Variants in ZNRF3 observed in about 807,000 individuals in gnomAD.
ZNRF3 encodes E3 ubiquitin-protein ligase ZNRF3.
ZNRF3 carries 23 observed loss-of-function variants against 72.5 expected under a neutral mutation model. The observed-to-expected ratio is 0.32, with a 90% CI of 0.23 to 0.45. The LOEUF is 0.45. ZNRF3 is among the 20% of genes least tolerant of loss of function. The pLI is 1.00. For missense variants in ZNRF3, 1,169 were observed against 1,272.1 expected, an observed-to-expected ratio of 0.92 and a Z score of 1.23; for synonymous variants, 610 against 545.3, an observed-to-expected ratio of 1.12 and a Z score of -1.65.
intron 4 of ZNRF3, 72 bp from the exon 5 acceptor site, chr22:29,044,708 C>A: frequency 9.4e-7 from 1 of 1,061,692 alleles, no homozygotes; most frequent in Non-Finnish European, 1.5e-6. Context: ...CCTGACAAAG[C>A]CAAGATAGCC....
chr22:28,944,575 C>T lies in ZNRF3; in HGVS notation c.301-42501C>T, dbSNP rs565452543. On this transcript the variant is annotated intron_variant, in intron 1 of 8. Transcript: ENST00000544604. ...TTCGAGACCAGCCTGGCCAACATGG[C>T]GAAACCCTGTCTCTACTAAAAATAT... is the stretch of plus-strand genomic sequence containing the variant. Among the ~76,000 whole-genome samples the T allele has an allele frequency of 5.3e-4, 80 of 151,862 alleles. 1 individual carries two copies. The highest frequency in any genetic ancestry group is 2.3e-3 in the South Asian group (11 of 4,820).
intron 1 of ZNRF3, among the ~76,000 whole-genome samples, chr22:28,924,678 A>G (rs1036354956): frequency 6.6e-6 from 1 of 152,294 alleles, no homozygotes; most frequent in South Asian, 2.1e-4. Flanking sequence ...TCGAGACTAC[A>G]GTGAACTATG....
At chr22:29,021,144 GA>G (rs2036531379) in intron 2 of ZNRF3, among the ~76,000 whole-genome samples, 1 of 151,986 alleles carries the variant, frequency 6.6e-6, no homozygotes, top group South Asian at 2.1e-4. Context: ...TGAGGGAGGA[GA>G]ATCACTTGAA....
rs748120359 is a variant in ZNRF3, at chr22:29,050,040, C to G, written c.1859C>G (p.Pro620Arg). The G allele has an allele frequency of 6.2e-7, 1 of 1,608,954 alleles. No homozygotes were observed. The highest frequency in any genetic ancestry group is 8.5e-7 in the Non-Finnish European group (1 of 1,178,020). The change falls in exon 8 of 9, where the codon CCT becomes CGT. Residue 620 changes from proline (P) to arginine (R), a missense_variant. By Grantham distance (103) the Pro-to-Arg change is moderately radical. Transcript: ENST00000544604. ...GGCTCGGGCAGCTCGGGCCGGGGAC[C>G]TGCCCTGTGCTTCGAGGGCTCCCCG... is the stretch of plus-strand genomic sequence containing the variant. ...AGGSGSSGRG[P>R]ALCFEGSPPP...
chr22:28,907,134 C>T (rs1210331433), intron 1 of ZNRF3, among the ~76,000 whole-genome samples: 3 of 151,338 alleles, frequency 2.0e-5, no homozygotes, highest in South Asian at 2.1e-4. Flanking sequence ...AGGCACACGC[C>T]GCCACGCCCG....
At chr22:28,986,046 C>T (rs995746534) in intron 1 of ZNRF3, among the ~76,000 whole-genome samples, 2 of 152,236 alleles carry the variant, frequency 1.3e-5, no homozygotes, top group African/African-American at 4.8e-5. Flanking sequence ...TGCTTCCCTG[C>T]TTCCCTTATA....
In ZNRF3 at chr22:29,046,895, A is replaced by C; in HGVS notation, c.912+12A>C. The stretch of plus-strand genomic sequence containing the variant: ...ACATTGATGGAGAGGTAATGGCAGA[A>C]GCAGGCCCGTCCTGGGTGGGGAAAA... On this transcript the variant is annotated intron_variant, in intron 6 of 8. Coordinates refer to ENST00000544604, the MANE Select transcript of ZNRF3 (RefSeq NM_001206998.2). 1.0e-5 allele frequency: 16 copies of C among 1,537,700 alleles called. No homozygotes were observed. Among genetic ancestry groups the C allele is most frequent in the Non-Finnish European group, 1.4e-5 (16 of 1,136,090 alleles).
At chr22:28,890,155 A>AGC (rs1463080426) in intron 1 of ZNRF3, among the ~76,000 whole-genome samples, 1 of 152,228 alleles carries the variant, frequency 6.6e-6, no homozygotes, top group African/African-American at 2.4e-5. Context: ...TGGAAAGGAT[A>AGC]GCTCTCTCTC....
Position 28,883,946 on chromosome 22 carries a change from C to A in ZNRF3, c.180C>A (p.Phe60Leu). 7.9e-7 allele frequency: 1 copy of A among 1,267,452 alleles called. No individual in the cohort carries two copies. The highest frequency in any genetic ancestry group is 1.0e-6 in the Non-Finnish European group (1 of 986,246). 78.5% of individuals were successfully genotyped at this position (1,267,452 alleles called of 1,614,324 possible). A position where few individuals can be genotyped will look rare whatever the true frequency, so the allele number is the denominator to read the frequency against. The change falls in exon 1 of 9, where the codon TTC becomes TTA. Residue 60 changes from phenylalanine to leucine, a missense_variant. Phe to Leu is a conservative substitution (Grantham distance 22, BLOSUM62 0). Coordinates refer to ENST00000544604, the MANE Select transcript of ZNRF3 (RefSeq NM_001206998.2). This position sits in a 1 kb window ranked among gnomAD's most constrained non-coding sequence, Gnocchi z 5.5. ...CGGCGCGGGCCAAGGAGACGGCGTT[C>A]GTGGAGGTGGTGCTGTTCGAGTCGA... is the stretch of plus-strand genomic sequence containing the variant. ...PGAARAKETA[F>L]VEVVLFESSP...
Position 29,048,583 on chromosome 22 carries a change from C to A in ZNRF3, c.1015+92C>A. On this transcript the variant is annotated intron_variant, in intron 7 of 8. Transcript: ENST00000544604. This position sits in a 1 kb window ranked among gnomAD's most constrained non-coding sequence, Gnocchi z 4.9. The stretch of plus-strand genomic sequence containing the variant: ...CAGGCTTGGGAACACTCAGAACCAC[C>A]GTGGCACTGCCCTCTGGACTTGGAG... 1 of 1,293,430 alleles carries A rather than the reference C, an allele frequency of 7.7e-7. No individual in the cohort carries two copies. The highest frequency in any genetic ancestry group is 1.1e-6 in the Non-Finnish European group (1 of 905,526). The allele number at this position is 1,293,430 out of a possible 1,614,324, so 80.1% of individuals were successfully genotyped here. A position where few individuals can be genotyped will look rare whatever the true frequency, so the allele number is the denominator to read the frequency against.
intron 1 of ZNRF3, among the ~76,000 whole-genome samples, chr22:28,933,471 C>T (rs1055779124): frequency 4.6e-5 from 7 of 152,150 alleles, no homozygotes; most frequent in Non-Finnish European, 1.0e-4. Context: ...TTAATGTTAC[C>T]TCTGCCATGT....
At chr22:28,886,221 A>G (rs141884988) in intron 1 of ZNRF3, among the ~76,000 whole-genome samples, 3 of 152,346 alleles carry the variant, frequency 2.0e-5, no homozygotes, top group Non-Finnish European at 4.4e-5. Flanking sequence ...AGTTCTGCAA[A>G]TACTGTTTGA....
chr22:28,910,538 G>A (rs1279351177), intron 1 of ZNRF3, among the ~76,000 whole-genome samples: 1 of 152,210 alleles, frequency 6.6e-6, no homozygotes, highest in Admixed American at 6.5e-5. Flanking sequence ...TGCTTTCTGA[G>A]TGCCAGCTTT....
intron 1 of ZNRF3, among the ~76,000 whole-genome samples, chr22:28,980,250 T>G (rs1365387616): frequency 6.6e-6 from 1 of 152,148 alleles, no homozygotes; most frequent in Non-Finnish European, 1.5e-5. Context: ...GAATGGATTA[T>G]GGGAAATTAC....
intron 1 of ZNRF3, among the ~76,000 whole-genome samples, chr22:28,944,709 T>C (rs1439732906): frequency 1.9e-4 from 28 of 147,852 alleles, no homozygotes; most frequent in South Asian, 2.2e-4. Context: ...GAGCCAAGAT[T>C]GTGCCATTGC....
rs1055699550 is a variant in ZNRF3 at position 29,053,831 on chromosome 22, C to T, written c.*209C>T. On this transcript the variant is annotated 3_prime_UTR_variant, in exon 9 of 9. Coordinates refer to ENST00000544604, the MANE Select transcript of ZNRF3 (RefSeq NM_001206998.2). ...TAACAAATCAACAGACAAAATTCTC[C>T]GAGTCCTTTGCCTCTTTTGATAACA... 6.2e-5 allele frequency: 31 copies of T among 501,608 alleles called. No homozygotes were observed. The highest frequency in any genetic ancestry group is 4.4e-4 in the Admixed American group (12 of 27,454). 31.1% of individuals were successfully genotyped at this position (501,608 alleles called of 1,614,324 possible). A position where few individuals can be genotyped will look rare whatever the true frequency, so the allele number is the denominator to read the frequency against.
chr22:28,995,888 A>T (rs2036038166), intron 2 of ZNRF3, among the ~76,000 whole-genome samples: 1 of 150,726 alleles, frequency 6.6e-6, no homozygotes, highest in Non-Finnish European at 1.5e-5. Context: ...TGATCCTCCC[A>T]CCTCAGCCAC....
intron 1 of ZNRF3, among the ~76,000 whole-genome samples, chr22:28,976,515 ATAAAT>A (rs747533190): frequency 5.9e-5 from 9 of 152,218 alleles, no homozygotes; most frequent in Admixed American, 1.3e-4. Flanking sequence ...TGAATAAAAA[ATAAAT>A]TAATATAGCT....
intron 1 of ZNRF3, among the ~76,000 whole-genome samples, chr22:28,957,349 G>GTATGTTACCC: frequency 6.6e-6 from 1 of 152,310 alleles, no homozygotes; most frequent in East Asian, 1.9e-4. Flanking sequence ...CACAATGCAT[G>GTATGTTACCC]TATGTTACCC....
Sources: gnomAD v4.1 joint callset for allele counts (sites outside exome capture counted in the v4.1 genomes callset) on GRCh38, gnomAD v4.1.1 for gene constraint, Gnocchi (gnomAD v3.1) non-coding constraint, MANE v1.5 for transcripts, NCBI Gene and HGNC (gene_info 2026-07-23, HGNC 2026-07-21) for gene names.